Variants in GNS observed in about 807,000 individuals in gnomAD.
The protein encoded by GNS is glucosamine (N-acetyl)-6-sulfatase.
GNS carries 40 observed loss-of-function variants against 69.7 expected under a neutral mutation model. That is an observed-to-expected ratio of 0.57 (90% CI 0.45 to 0.75). The LOEUF is 0.75. GNS is among the 30% of genes least tolerant of loss of function. The pLI, the probability that GNS is intolerant of heterozygous loss-of-function variation, is 0.00. For synonymous variants in GNS, 243 were observed against 251.6 expected (o/e 0.97, Z 0.32); for missense variants, 565 against 685.5 (o/e 0.82, Z 1.96).
At chr12:64,720,320 A>G (rs546012572) in intron 12 of GNS, 138 bp from the exon 13 acceptor site, 1 of 685,870 alleles carries the variant, frequency 1.5e-6, no homozygotes, top group East Asian at 2.6e-5. Flanking sequence ...GGAGACTCTC[A>G]ATCTGTTTTC....
intron 1 of GNS, among the ~76,000 whole-genome samples, chr12:64,756,198 A>G (rs1440883940): frequency 3.9e-5 from 6 of 152,256 alleles, no homozygotes; most frequent in African/African-American, 1.4e-4. Flanking sequence ...CTATAAATCT[A>G]AATCATGTTG....
intron 9 of GNS, among the ~76,000 whole-genome samples, chr12:64,729,557 T>C (rs1486941215): frequency 6.6e-6 from 1 of 152,236 alleles, no homozygotes; most frequent in Non-Finnish European, 1.5e-5. Flanking sequence ...CAAAATATGT[T>C]TGCAACAGGC....
At position 64,716,760 on chromosome 12, in the gene GNS, A is replaced by G. The variant is rs1325486210; in HGVS notation, c.1640T>C (p.Phe547Ser). The G allele has an allele frequency of 7.4e-6, 12 of 1,612,106 alleles. No individual in the cohort carries two copies. ...SNRGSVRTRR[F>S]SKHLL is the part of the protein sequence containing the mutation. ...AGGTCGCTACAGAAGATGTTTGGAA[A>G]ATCTTCGAGTCCTGACACTGCCGCG... is the stretch of plus-strand genomic sequence containing the variant. The change falls in exon 14 of 14, where the codon TTT (phenylalanine) becomes TCT (serine). Residue 547 changes from phenylalanine to serine, a missense_variant. By Grantham distance (155) the Phe-to-Ser change is radical. This residue lies in a region of GNS where 384 missense variants were observed against 511.0 expected (regional missense o/e 0.75). Coordinates refer to ENST00000258145, the MANE Select transcript of GNS (RefSeq NM_002076.4).
chr12:64,721,849 C>T, intron 11 of GNS, 144 bp from the exon 12 acceptor site: 1 of 702,144 alleles, frequency 1.4e-6, no homozygotes, highest in Non-Finnish European at 2.6e-6. Context: ...AAGCCAGTAA[C>T]TCAAAAACAG....
At chr12:64,726,894 T>A (rs1869218215) in intron 10 of GNS, among the ~76,000 whole-genome samples, 1 of 149,512 alleles carries the variant, frequency 6.7e-6, no homozygotes, top group African/African-American at 2.5e-5. Context: ...CAAAAAGGCA[T>A]AAATGAAAAG....
chr12:64,735,259 C>T (rs1306618974), intron 9 of GNS, among the ~76,000 whole-genome samples: 9 of 152,186 alleles, frequency 5.9e-5, no homozygotes, highest in Admixed American at 6.5e-5. Flanking sequence ...GACTTTGGAG[C>T]CAGACTGCCC....
chr12:64,738,861 G>C (rs1460307206), intron 8 of GNS, among the ~76,000 whole-genome samples: 1 of 151,608 alleles, frequency 6.6e-6, no homozygotes, highest in Non-Finnish European at 1.5e-5. Context: ...ATGCCTAAGC[G>C]ATCTCCTCCT....
rs749616788 is a variant in GNS, at chr12:64,729,016, G to A, written c.1140C>T (p.Asp380=). 58 of 1,600,756 alleles carry A rather than the reference G, an allele frequency of 3.6e-5. No individual in the cohort carries two copies. The South Asian group carries it at 5.9e-4, about 16-fold the overall frequency. The change falls in exon 10 of 14, where the codon GAC becomes GAT. Residue 380 remains aspartate (D), a synonymous_variant. Transcript: ENST00000258145. ...ANIDLGPTIL[D]IAGYDLNKTQ... ...TCTTATTTAGGTCGTAGCCAGCAAT[G>A]TCCAAAATAGTAGGACCCAAGTCAA...
chr12:64,746,697 C>A (rs1424356629), intron 3 of GNS, among the ~76,000 whole-genome samples: 1 of 152,228 alleles, frequency 6.6e-6, no homozygotes, highest in Non-Finnish European at 1.5e-5. Flanking sequence ...AATCTTTATA[C>A]TTTAACGATC....
intron 2 of GNS, among the ~76,000 whole-genome samples, chr12:64,749,358 T>C (rs1870003282): frequency 1.4e-5 from 2 of 147,232 alleles, no homozygotes; most frequent in Non-Finnish European, 3.0e-5. Flanking sequence ...GTTCACGCCA[T>C]TCTCCTGCCT....
chr12:64,734,056 G>C (rs1176155220), intron 9 of GNS, among the ~76,000 whole-genome samples: 1 of 152,186 alleles, frequency 6.6e-6, no homozygotes, highest in Non-Finnish European at 1.5e-5. Context: ...CAGAACAGCT[G>C]GCACTGAGAC....
In GNS at chr12:64,716,703, G is replaced by T. The variant is rs1313547082; in HGVS notation, c.*38C>A. ...ACTACAATCACTTCATCAGAAAGAGGCGTGCAGGGATCCATCTGCAGAGGC... is the reference window on the plus strand; with the variant it reads ...ACTACAATCACTTCATCAGAAAGAGTCGTGCAGGGATCCATCTGCAGAGGC... On this transcript the variant is annotated 3_prime_UTR_variant, in exon 14 of 14. Transcript: ENST00000258145. The T allele has an allele frequency of 1.6e-6, 2 of 1,214,720 alleles. No individual in the cohort carries two copies. The highest frequency in any genetic ancestry group is 2.3e-5 in the East Asian group (1 of 43,118). The allele number at this position is 1,214,720 out of a possible 1,614,324, so 75.2% of individuals were successfully genotyped here. A position where few individuals can be genotyped will look rare whatever the true frequency, so the allele number is the denominator to read the frequency against.
rs904788730 is a variant in GNS at position 64,720,047 on chromosome 12, G to A, written c.1555C>T (p.Arg519Cys). The A allele has an allele frequency of 9.3e-6, 15 of 1,612,984 alleles. No homozygotes were observed. Among genetic ancestry groups the A allele is most frequent in the Non-Finnish European group, 1.1e-5 (13 of 1,179,104 alleles). The change falls in exon 13 of 14, where the codon CGC becomes TGC. Residue 519 changes from arginine to cysteine, a missense_variant. By Grantham distance (180) the Arg-to-Cys change is radical. Around this residue, in one of 2 missense-constraint regions of GNS, gnomAD observed 384 missense variants for 511.0 expected, o/e 0.75. Coordinates refer to ENST00000258145, the MANE Select transcript of GNS (RefSeq NM_002076.4). The part of the protein sequence containing the change: ...MLQSCSGPTC[R>C]TPGVFDPGYR... ...CCGGGGTCAAAAACCCCTGGAGTGCGACAGGTTGGCCCAGAACAGGACTGT... is the reference window on the plus strand; with the variant it reads ...CCGGGGTCAAAAACCCCTGGAGTGCAACAGGTTGGCCCAGAACAGGACTGT...
Position 64,752,721 on chromosome 12 carries a change from T to G in GNS, c.229A>C (p.Met77Leu), listed in dbSNP as rs763723151. The G allele has an allele frequency of 1.3e-6, 2 of 1,536,146 alleles. No homozygotes were observed. Among genetic ancestry groups the G allele is most frequent in the East Asian group, 4.5e-5 (2 of 44,416 alleles). Residue 77 changes from methionine to leucine, a missense_variant, in exon 2 of 14, where the codon ATG becomes CTG. Met to Leu is a conservative substitution (Grantham distance 15). Transcript: ENST00000258145. ...ACAGCACTGGAAAAAGTCATCCCCA[T>G]CTCTCCGATGAGAGCTTTGGTTTTC... ...LKKTKALIGEMGMTFSSAYVP... is the reference protein window; with the variant it reads ...LKKTKALIGELGMTFSSAYVP...
intron 9 of GNS, among the ~76,000 whole-genome samples, chr12:64,732,163 T>G (rs539785672): frequency 0.041 from 3,932 of 96,940 alleles, 220 homozygotes; most frequent in Middle Eastern, 0.072. Flanking sequence ...ATTTTTTTTT[T>G]TTGTTGTTTT....
chr12:64,716,660 G>C lies in GNS; in HGVS notation c.*81C>G. The C allele has an allele frequency of 1.0e-6, 1 of 958,358 alleles. No homozygotes were observed. Among genetic ancestry groups the C allele is most frequent in the Non-Finnish European group, 1.7e-6 (1 of 589,294 alleles). The allele number at this position is 958,358 out of a possible 1,614,324, so 59.4% of individuals were successfully genotyped here. The stretch of plus-strand genomic sequence containing the variant: ...AAACTCTTCCAGGTGTGGTCTTGAA[G>C]ACTAGCTACAGACACCTACTACAAT... On this transcript the variant is annotated 3_prime_UTR_variant, in exon 14 of 14. Coordinates refer to ENST00000258145, the MANE Select transcript of GNS (RefSeq NM_002076.4).
At chr12:64,749,794 T>C (rs1870018478) in intron 2 of GNS, among the ~76,000 whole-genome samples, 1 of 152,152 alleles carries the variant, frequency 6.6e-6, no homozygotes, top group Admixed American at 6.5e-5. Context: ...TCTTAACTCT[T>C]TCTCTTTTTG....
chr12:64,726,494 C>T (rs993189331), intron 10 of GNS, among the ~76,000 whole-genome samples: 8 of 152,142 alleles, frequency 5.3e-5, no homozygotes, highest in Non-Finnish European at 1.0e-4. Context: ...TTTATAAATA[C>T]ACAAAGGACA....
At chr12:64,727,442 C>T (rs533175222) in intron 10 of GNS, among the ~76,000 whole-genome samples, 1 of 151,974 alleles carries the variant, frequency 6.6e-6, no homozygotes, top group Admixed American at 6.6e-5. Flanking sequence ...ATCTCAAAAA[C>T]AAACAAAACC....
Sources: gnomAD v4.1 joint callset for allele counts (sites outside exome capture counted in the v4.1 genomes callset) on GRCh38, gnomAD v4.1.1 for gene constraint, gnomAD v4.1.1 regional missense constraint, MANE v1.5 for transcripts, NCBI Gene and HGNC (gene_info 2026-07-23, HGNC 2026-07-21) for gene names.